The following CHRM2 variants were observed in gnomAD, a reference collection of about 807,000 sequenced individuals.
CHRM2 encodes muscarinic acetylcholine receptor M2.
A neutral mutation model predicts 25.0 loss-of-function variants in CHRM2; 8 were observed. The ratio of observed to expected loss-of-function variants is 0.32; its 90% confidence interval spans 0.19 to 0.58. The LOEUF is 0.58. Among genes scored for constraint, CHRM2 ranks in the 20% least tolerant of loss-of-function variants. CHRM2 has a pLI of 0.88. For missense variants in CHRM2, 440 were observed against 567.1 expected (o/e 0.78, Z 2.28); for synonymous variants, 202 against 205.7 (o/e 0.98, Z 0.15).
intron 3 of CHRM2, among the ~76,000 whole-genome samples, chr7:137,011,215 G>GTGTGTGTGTGTATATATATA: frequency 0.033 from 4,377 of 133,734 alleles, 126 homozygotes; most frequent in Non-Finnish European, 0.044. Context: ...GTGTGTGTGT[G>GTGTGTGTGTGTATATATATA]TATATATATA....
intron 3 of CHRM2, among the ~76,000 whole-genome samples, chr7:137,005,496 T>A (rs1394074808): frequency 6.6e-6 from 1 of 152,100 alleles, no homozygotes; most frequent in East Asian, 1.9e-4. Flanking sequence ...CACTTATTCT[T>A]ATCCCAACCA....
At chr7:136,938,488 T>C in intron 2 of CHRM2, 1 of 1,076,882 alleles carries the variant, frequency 9.3e-7, no homozygotes, top group Non-Finnish European at 1.4e-6. Flanking sequence ...GATGTTGGGG[T>C]TCACCTCTAG....
chr7:136,921,210 G>A (rs35850868), intron 2 of CHRM2, among the ~76,000 whole-genome samples: 34,648 of 151,824 alleles, frequency 0.23, 5,152 homozygotes, highest in Non-Finnish European at 0.33. Context: ...CCTCCAGGTC[G>A]TTCTGTCTCC....
At chr7:136,989,163 A>C (rs1197600599) in intron 2 of CHRM2, among the ~76,000 whole-genome samples, 1 of 152,100 alleles carries the variant, frequency 6.6e-6, no homozygotes. Context: ...TGATATATTG[A>C]TCCATATTTA....
At chr7:136,950,266 G>A (rs73727442) in intron 2 of CHRM2, among the ~76,000 whole-genome samples, 41 of 152,144 alleles carry the variant, frequency 2.7e-4, no homozygotes, top group African/African-American at 7.0e-4. Context: ...AAGTGCCCTC[G>A]TTCCTCATCA....
chr7:137,007,400 A>C (rs1804515060), intron 3 of CHRM2, among the ~76,000 whole-genome samples: 1 of 151,556 alleles, frequency 6.6e-6, no homozygotes. Flanking sequence ...GTAATTCAGT[A>C]AGATATTTTG....
At chr7:136,945,901 C>G (rs554239025) in intron 2 of CHRM2, among the ~76,000 whole-genome samples, 9 of 152,026 alleles carry the variant, frequency 5.9e-5, no homozygotes, top group Non-Finnish European at 1.3e-4. Flanking sequence ...CTGCACCACT[C>G]GATAAGGCAG....
intron 2 of CHRM2, chr7:136,907,878 C>A (rs537607597): frequency 2.0e-5 from 3 of 152,036 alleles, no homozygotes; most frequent in South Asian, 4.1e-4. Flanking sequence ...AGGGGATATT[C>A]CGTCTCCTAC....
intron 3 of CHRM2, among the ~76,000 whole-genome samples, chr7:136,994,779 G>A (rs1386957320): frequency 6.6e-6 from 1 of 151,480 alleles, no homozygotes; most frequent in Non-Finnish European, 1.5e-5. Flanking sequence ...TAATTTAAAA[G>A]TAGCTTAAAT....
In CHRM2 at chr7:136,972,738, C is replaced by T. The variant is rs536139321; in HGVS notation, c.-124-19449C>T. On this transcript the variant is annotated intron_variant, in intron 2 of 3. Transcript: ENST00000680005. ...GGATGCTGGCAGGTAATGATGGTGA[C>T]GGTGTTAGGGATGGTGGCAGGTGAC... Among the ~76,000 whole-genome samples the T allele has an allele frequency of 1.0e-3, 149 of 141,982 alleles. 1 individual carries two copies. The highest frequency in any genetic ancestry group is 3.4e-3 in the Middle Eastern group (1 of 292). The allele number at this position is 141,982 out of a possible 152,430, so 93.1% of individuals were successfully genotyped here.
chr7:136,873,986 G>A (rs1463437392), intron 2 of CHRM2, among the ~76,000 whole-genome samples: 2 of 152,262 alleles, frequency 1.3e-5, no homozygotes, highest in Non-Finnish European at 2.9e-5. Context: ...TCTTTTGTCT[G>A]ATGCATAGTA....
At chr7:137,014,777 A>C in intron 3 of CHRM2, 43 bp from the exon 4 acceptor site, 2 of 1,171,992 alleles carry the variant, frequency 1.7e-6, no homozygotes, top group Non-Finnish European at 2.5e-6. Flanking sequence ...TTTTAAACCA[A>C]TGTTTATATT....
chr7:136,974,083 C>CATAAATTAA (rs1258599545), intron 2 of CHRM2, among the ~76,000 whole-genome samples: 1 of 151,984 alleles, frequency 6.6e-6, no homozygotes, highest in Admixed American at 6.6e-5. Flanking sequence ...GAGAAGCAAT[C>CATAAATTAA]ATAAATAAAA....
chr7:136,936,447 A>G (rs566953407), intron 2 of CHRM2, among the ~76,000 whole-genome samples: 1 of 152,286 alleles, frequency 6.6e-6, no homozygotes, highest in South Asian at 2.1e-4. Flanking sequence ...TAGATGACTA[A>G]TAGACACCTA....
intron 3 of CHRM2, among the ~76,000 whole-genome samples, chr7:137,009,152 A>C (rs1230226852): frequency 6.6e-6 from 1 of 152,150 alleles, no homozygotes; most frequent in Non-Finnish European, 1.5e-5. Flanking sequence ...TTCATCATAC[A>C]TCAGGCATCC....
rs558678081 is a variant in CHRM2 at position 137,015,459 on chromosome 7, A to G, written c.594A>G (p.Pro198=). 234 of 1,613,308 alleles carry G rather than the reference A, an allele frequency of 1.5e-4. No homozygotes were observed. In the South Asian group the frequency reaches 2.4e-3, roughly 17 times the overall value. ...FGTAIAAFYL[P]VIIMTVLYWH... Reference sequence around the variant, plus strand: ...CGGCTATTGCAGCCTTCTATTTGCCAGTGATCATCATGACTGTGCTATATT... The same window carrying G: ...CGGCTATTGCAGCCTTCTATTTGCCGGTGATCATCATGACTGTGCTATATT... The change falls in exon 4 of 4, where the codon CCA becomes CCG. Residue 198 remains proline (P), a synonymous_variant. Transcript: ENST00000680005. This position sits in a 1 kb window ranked among gnomAD's most constrained non-coding sequence, Gnocchi z 5.1.
intron 2 of CHRM2, chr7:136,902,487 C>A (rs369033987): frequency 1.3e-5 from 2 of 151,940 alleles, no homozygotes; most frequent in Non-Finnish European, 2.9e-5. Flanking sequence ...ATTAAATGCA[C>A]GTAAAAATTA....
chr7:136,937,493 T>A (rs200221698), intron 2 of CHRM2, among the ~76,000 whole-genome samples: 1 of 99,720 alleles, frequency 1.0e-5, no homozygotes, highest in Non-Finnish European at 2.1e-5. Context: ...CCCTTTTTTA[T>A]TTAACTAAAA....
chr7:136,906,661 T>A (rs1797569357), intron 2 of CHRM2, among the ~76,000 whole-genome samples: 1 of 151,850 alleles, frequency 6.6e-6, no homozygotes, highest in Non-Finnish European at 1.5e-5. Flanking sequence ...ATAAACTTAA[T>A]ATTTTGAGCG....
Sources: allele counts gnomAD v4.1 joint callset (sites outside exome capture counted in the v4.1 genomes callset), GRCh38; gene constraint gnomAD v4.1.1; non-coding constraint Gnocchi (gnomAD v3.1); transcripts MANE v1.5; gene names NCBI Gene and HGNC (gene_info 2026-07-23, HGNC 2026-07-21).